KDM5A: variants seen among roughly 807,000 people sequenced by gnomAD.
KDM5A encodes lysine-specific demethylase 5A.
Under a neutral mutation model 193.5 loss-of-function variants are expected in KDM5A, and 42 were observed. The ratio of observed to expected loss-of-function variants is 0.22; its 90% CI spans 0.17 to 0.28. KDM5A has a LOEUF of 0.28. Among genes scored for constraint, KDM5A ranks in the 10% least tolerant of loss-of-function variants. The pLI, the probability that KDM5A is intolerant of heterozygous loss-of-function variation, is 1.00. For missense variants in KDM5A, 1,692 were observed against 2,055.1 expected, an observed-to-expected ratio of 0.82 and a Z score of 3.42; for synonymous variants, 796 against 718.1, an observed-to-expected ratio of 1.11 and a Z score of -1.73.
Position 389,082 on chromosome 12 carries a change from C to G in KDM5A, c.10G>C (p.Val4Leu), listed in dbSNP as rs1386945033. The change falls in exon 1 of 28, where the codon GTG (valine) becomes CTG (leucine). Residue 4 changes from valine (V) to leucine (L), a missense_variant. By Grantham distance (32) the Val-to-Leu change is conservative. This residue lies in a region of KDM5A where 84 missense variants were observed against 68.2 expected (regional missense o/e 1.23). Coordinates refer to ENST00000399788, the MANE Select transcript of KDM5A (RefSeq NM_001042603.3). The stretch of plus-strand genomic sequence containing the variant: ...TCCGCCGCGTAGCCCCCCGGCCCCA[C>G]GCCCGCCATTGCAACGGCCGGGGGG... Reference protein sequence around the residue: MAGVGPGGYAAEFV... With the variant: MAGLGPGGYAAEFV... The G allele has an allele frequency of 6.2e-7, 1 of 1,605,378 alleles. No individual in the cohort carries two copies. The highest frequency in any genetic ancestry group is 1.7e-5 in the Admixed American group (1 of 59,028).
At chr12:379,208 C>A (rs1944545599) in intron 3 of KDM5A, among the ~76,000 whole-genome samples, 1 of 151,952 alleles carries the variant, frequency 6.6e-6, no homozygotes, top group Non-Finnish European at 1.5e-5. Context: ...AACAAACTGT[C>A]AGCCAAAAAT....
chr12:289,903 C>CTTTCTTT (rs1943269722), intron 27 of KDM5A, among the ~76,000 whole-genome samples: 1 of 106,740 alleles, frequency 9.4e-6, no homozygotes, highest in South Asian at 3.1e-4. Flanking sequence ...TTTTTTCTTT[C>CTTTCTTT]TTTCTTTTTT....
chr12:336,927 A>C (rs1034728557), intron 10 of KDM5A, among the ~76,000 whole-genome samples: 6 of 152,290 alleles, frequency 3.9e-5, no homozygotes, highest in South Asian at 2.1e-4. Context: ...GGACAATAAA[A>C]CAGTGATCAT....
At chr12:360,313 G>A (rs1591931404) in intron 5 of KDM5A, among the ~76,000 whole-genome samples, 1 of 151,922 alleles carries the variant, frequency 6.6e-6, no homozygotes, top group African/African-American at 2.4e-5. Context: ...GAGCATTACA[G>A]GCAGTACTTG....
chr12:309,817 C>A lies in KDM5A; in HGVS notation c.3364G>T (p.Asp1122Tyr), dbSNP rs1181611177. Residue 1122 changes from aspartate to tyrosine, a missense_variant, in exon 22 of 28, where the codon GAT becomes TAT. By Grantham distance (160) the Asp-to-Tyr change is radical. Transcript: ENST00000399788. ...DLEEGLEETR[D>Y]TAMVVAVFKE... ...TAATTTCTTACCACCATGGCTGTATCTCTGGTTTCCTCCAATCCTTCCTCC... is the reference window on the plus strand; with the variant it reads ...TAATTTCTTACCACCATGGCTGTATATCTGGTTTCCTCCAATCCTTCCTCC... 2 of 1,614,158 alleles carry A rather than the reference C, an allele frequency of 1.2e-6. No homozygotes were observed. The highest frequency in any genetic ancestry group is 1.7e-6 in the Non-Finnish European group (2 of 1,180,012).
intron 3 of KDM5A, 31 bp from the exon 4 acceptor site, chr12:366,135 A>C (rs1281622577): frequency 6.2e-7 from 1 of 1,604,464 alleles, no homozygotes; most frequent in Non-Finnish European, 8.5e-7. Flanking sequence ...GCTTAGAGAA[A>C]AAAGGCAAAT....
chr12:388,845 G>A (rs1330793725), intron 1 of KDM5A, 82 bp downstream of exon 1: 33 of 1,468,688 alleles, frequency 2.2e-5, no homozygotes, highest in Non-Finnish European at 3.0e-5. Context: ...AACGAGACAA[G>A]GATCAGAAAA....
At chr12:300,840 A>C (rs1448126918) in intron 24 of KDM5A, among the ~76,000 whole-genome samples, 1 of 152,198 alleles carries the variant, frequency 6.6e-6, no homozygotes, top group Non-Finnish European at 1.5e-5. Context: ...AAAAATGATA[A>C]AGGGGGTATC....
rs1023823941 is a variant in KDM5A at position 284,725 on chromosome 12, A to C, written c.*731T>G. The C allele has an allele frequency of 1.3e-5, 3 of 233,042 alleles. No homozygotes were observed. Among genetic ancestry groups the C allele is most frequent in the African/African-American group, 6.6e-5 (3 of 45,302 alleles). 14.4% of individuals were successfully genotyped at this position (233,042 alleles called of 1,614,324 possible). A position where few individuals can be genotyped will look rare whatever the true frequency, so the allele number is the denominator to read the frequency against. ...GACAGCAAGACTTTTCAAAGCCAAAAAACGGCTCCTTGCCTTGTAGTAGGT... is the reference window on the plus strand; with the variant it reads ...GACAGCAAGACTTTTCAAAGCCAAACAACGGCTCCTTGCCTTGTAGTAGGT... On this transcript the variant is annotated 3_prime_UTR_variant, in exon 28 of 28. Coordinates refer to ENST00000399788, the MANE Select transcript of KDM5A (RefSeq NM_001042603.3).
intron 27 of KDM5A, among the ~76,000 whole-genome samples, chr12:287,998 T>A (rs2137358003): frequency 6.6e-6 from 1 of 152,260 alleles, no homozygotes. Flanking sequence ...TATATAACCT[T>A]CCTTGAGATA....
At chr12:380,198 G>A (rs985661481) in intron 3 of KDM5A, among the ~76,000 whole-genome samples, 39 of 151,744 alleles carry the variant, frequency 2.6e-4, no homozygotes, top group Non-Finnish European at 7.4e-5. Context: ...AACCCAGGAG[G>A]TGGGAGGTTG....
At position 326,864 on chromosome 12, in the gene KDM5A, C is replaced by CA. The variant is rs61571425; in HGVS notation, c.1968+1970dup. Among the ~76,000 whole-genome samples the CA allele has an allele frequency of 7.3e-3, 626 of 85,968 alleles. 44 individuals carry two copies. Among genetic ancestry groups the CA allele is most frequent in the Middle Eastern group, 0.025 (3 of 120 alleles). The allele number at this position is 85,968 out of a possible 152,430, so 56.4% of individuals were successfully genotyped here. On this transcript the variant is annotated intron_variant, in intron 14 of 27. Transcript: ENST00000399788. ...TGGGTGACAGAGCTAGACTCTGTCT[C>CA]AAAAAAAAAAAAAAAAAAAAAAAAA...
Position 356,545 on chromosome 12 carries a change from AT to A in KDM5A, c.673-9del, listed in dbSNP as rs1290543232. 6.4e-7 allele frequency: 1 copy of A among 1,567,976 alleles called. No individual in the cohort carries two copies. Among genetic ancestry groups the A allele is most frequent in the African/African-American group, 1.4e-5 (1 of 74,014 alleles). On this transcript the variant is annotated splice_polypyrimidine_tract_variant and intron_variant, in intron 5 of 27. Coordinates refer to ENST00000399788, the MANE Select transcript of KDM5A (RefSeq NM_001042603.3). Reference sequence around the variant, plus strand: ...CACATCTCCAGATTCTGACTAAAAAATAAGCAAAATTCACATTAGCATAATC... The same window carrying A: ...CACATCTCCAGATTCTGACTAAAAAAAAGCAAAATTCACATTAGCATAATC...
intron 24 of KDM5A, among the ~76,000 whole-genome samples, chr12:306,518 AG>A (rs1188016228): frequency 2.0e-5 from 3 of 152,194 alleles, no homozygotes; most frequent in Middle Eastern, 3.4e-3. Flanking sequence ...CGAGGCAGGC[AG>A]GTCACTTCAG....
intron 21 of KDM5A, among the ~76,000 whole-genome samples, chr12:310,344 T>C (rs868504828): frequency 3.3e-5 from 5 of 152,154 alleles, no homozygotes; most frequent in African/African-American, 1.2e-4. Context: ...GATCTTTCAA[T>C]GATAGGCTGG....
chr12:311,876 A>C (rs1340472962), intron 20 of KDM5A, among the ~76,000 whole-genome samples: 3 of 152,168 alleles, frequency 2.0e-5, no homozygotes, highest in Non-Finnish European at 2.9e-5. Context: ...TCTACCAAAA[A>C]TACAAAAATT....
intron 27 of KDM5A, among the ~76,000 whole-genome samples, chr12:289,415 TAATC>T (rs1041772843): frequency 1.3e-5 from 2 of 152,190 alleles, no homozygotes; most frequent in Non-Finnish European, 2.9e-5. Flanking sequence ...ATTAATTTAA[TAATC>T]AAAGGAAAAA....
intron 14 of KDM5A, among the ~76,000 whole-genome samples, chr12:326,505 A>G (rs978753072): frequency 1.3e-5 from 2 of 152,236 alleles, no homozygotes; most frequent in African/African-American, 4.8e-5. Flanking sequence ...TTAGGTAAAG[A>G]AACAACAGCA....
intron 19 of KDM5A, among the ~76,000 whole-genome samples, chr12:316,351 A>G (rs1310347451): frequency 6.6e-6 from 1 of 152,136 alleles, no homozygotes; most frequent in East Asian, 1.9e-4. Flanking sequence ...CTTGTTCACT[A>G]CTGTCTACAT....
Sources: gnomAD v4.1 joint callset for allele counts (sites outside exome capture counted in the v4.1 genomes callset) on GRCh38, gnomAD v4.1.1 for gene constraint, gnomAD v4.1.1 regional missense constraint, MANE v1.5 for transcripts, NCBI Gene and HGNC (gene_info 2026-07-23, HGNC 2026-07-21) for gene names.